Variants in AGBL4 observed in about 807,000 individuals in gnomAD.
The protein encoded by AGBL4 is AGBL carboxypeptidase 4.
In AGBL4, 58 loss-of-function variants were observed where a neutral mutation model predicts 66.4. The ratio of observed to expected loss-of-function variants is 0.87; its 90% confidence interval spans 0.71 to 1.09. The LOEUF (loss-of-function observed/expected upper bound fraction) is 1.09, where lower values mean the gene tolerates loss of function less well. Ranked by LOEUF, AGBL4 falls within the 50% of genes least tolerant of loss-of-function variation. The pLI is 0.00. For synonymous variants in AGBL4, 234 were observed against 222.9 expected, an observed-to-expected ratio of 1.05 and a Z score of -0.44; for missense variants, 579 against 631.0, an observed-to-expected ratio of 0.92 and a Z score of 0.88.
intron 2 of AGBL4, among the ~76,000 whole-genome samples, chr1:49,740,925 C>T (rs1650393259): frequency 6.6e-6 from 1 of 152,160 alleles, no homozygotes; most frequent in Non-Finnish European, 1.5e-5. Flanking sequence ...ATTTATAGCA[C>T]TAAATGCCCA....
chr1:49,595,051 A>T (rs905193484), intron 3 of AGBL4, among the ~76,000 whole-genome samples: 1 of 152,144 alleles, frequency 6.6e-6, no homozygotes, highest in African/African-American at 2.4e-5. Flanking sequence ...CGACTTTTCA[A>T]TAATCACCAT....
chr1:48,998,334 T>C (rs1051750294), intron 5 of AGBL4, among the ~76,000 whole-genome samples: 15 of 152,184 alleles, frequency 9.9e-5, no homozygotes, highest in Non-Finnish European at 1.8e-4. Context: ...ATGAAAGATA[T>C]TGAAACTGGC....
chr1:49,315,426 G>A (rs1645022493), intron 3 of AGBL4, among the ~76,000 whole-genome samples: 1 of 152,128 alleles, frequency 6.6e-6, no homozygotes, highest in African/African-American at 2.4e-5. Context: ...CTTCTGCACA[G>A]CAAAACAAAC....
intron 6 of AGBL4, among the ~76,000 whole-genome samples, chr1:48,763,470 TTGTGTGTGTGTA>T (rs1430470701): frequency 6.6e-6 from 1 of 151,922 alleles, no homozygotes; most frequent in Non-Finnish European, 1.5e-5. Context: ...TGGTGTTTTT[TTGTGTGTGTGTA>T]TGTGTGTGTG....
chr1:49,349,377 T>C (rs570681622), intron 3 of AGBL4, among the ~76,000 whole-genome samples: 83 of 152,196 alleles, frequency 5.5e-4, no homozygotes, highest in Non-Finnish European at 8.4e-4. Flanking sequence ...AACTAAATTA[T>C]GGGACTTTTG....
At chr1:49,414,172 T>C (rs1333019948) in intron 3 of AGBL4, among the ~76,000 whole-genome samples, 1 of 152,178 alleles carries the variant, frequency 6.6e-6, no homozygotes, top group African/African-American at 2.4e-5. Context: ...TATATATTTA[T>C]AAAATTGTAT....
chr1:49,948,123 T>TGTATGTAA (rs1557608512), intron 1 of AGBL4, among the ~76,000 whole-genome samples: 1 of 47,844 alleles, frequency 2.1e-5, no homozygotes, highest in Non-Finnish European at 3.8e-5. Context: ...TGTATGTAAA[T>TGTATGTAA]ATATATAAAT....
chr1:49,799,443 A>G (rs908413343), intron 2 of AGBL4, among the ~76,000 whole-genome samples: 3 of 152,220 alleles, frequency 2.0e-5, no homozygotes, highest in Non-Finnish European at 4.4e-5. Flanking sequence ...ACTATAGTCC[A>G]GGGTTCCATG....
rs1286591655 is a variant in AGBL4, at chr1:48,534,910, T to G, written c.1371A>C (p.Lys457Asn). 1 of 1,551,334 alleles carries G rather than the reference T, an allele frequency of 6.4e-7. No homozygotes were observed. Among genetic ancestry groups the G allele is most frequent in the Non-Finnish European group, 8.7e-7 (1 of 1,146,778 alleles). Residue 457 changes from lysine (K) to asparagine (N), a missense_variant, in exon 13 of 14, where the codon AAA becomes AAC. Transcript: ENST00000371839. Reference protein sequence around the residue: ...VAIPMPRLRNKEIEVQRRKEK... With the variant: ...VAIPMPRLRNNEIEVQRRKEK... Reference sequence around the variant, plus strand: ...CTTACCTTCTCTGGACTTCTATTTCTTTATTTCTAAAATAGGAGAAAAATT... The same window carrying G: ...CTTACCTTCTCTGGACTTCTATTTCGTTATTTCTAAAATAGGAGAAAAATT...
In AGBL4 at chr1:49,697,426, G is replaced by A. The variant is rs545111241; in HGVS notation, c.169C>T (p.Arg57Trp). The change falls in exon 3 of 14, where the codon CGG becomes TGG. Residue 57 changes from arginine (R) to tryptophan (W), a missense_variant. Coordinates refer to ENST00000371839, the MANE Select transcript of AGBL4 (RefSeq NM_032785.4). ...TCAAACTCAGAGACCTGGTCCACCC[G>A]GCCCAGGTTACCTGGTAATAAAAAT... Reference protein sequence around the residue: ...DACFESGNLGRVDQVSEFEYD... With the variant: ...DACFESGNLGWVDQVSEFEYD... 233 of 1,514,222 alleles carry A rather than the reference G, an allele frequency of 1.5e-4. 1 individual carries two copies. The South Asian group carries it at 2.6e-3, about 17-fold the overall frequency. 93.8% of individuals were successfully genotyped at this position (1,514,222 alleles called of 1,614,324 possible).
chr1:49,840,649 C>A (rs1410678983), intron 2 of AGBL4, among the ~76,000 whole-genome samples: 2 of 152,204 alleles, frequency 1.3e-5, no homozygotes. Flanking sequence ...AATCCAACAG[C>A]CCATCAAAAA....
chr1:49,883,297 G>C (rs1258022335), intron 1 of AGBL4, among the ~76,000 whole-genome samples: 1 of 151,912 alleles, frequency 6.6e-6, no homozygotes, highest in South Asian at 2.1e-4. Context: ...ATGCATATTT[G>C]TTTTTCCTTA....
At chr1:49,821,939 A>C (rs898733360) in intron 2 of AGBL4, among the ~76,000 whole-genome samples, 1 of 152,206 alleles carries the variant, frequency 6.6e-6, no homozygotes, top group Non-Finnish European at 1.5e-5. Flanking sequence ...TCAATCCCAA[A>C]TACAGAAAGA....
intron 4 of AGBL4, among the ~76,000 whole-genome samples, chr1:49,086,013 G>A (rs1321561575): frequency 1.3e-5 from 2 of 152,136 alleles, no homozygotes; most frequent in Non-Finnish European, 2.9e-5. Context: ...ACAAGGTTTG[G>A]TGCCAGCCTC....
At chr1:49,234,587 A>G (rs1650572365) in intron 4 of AGBL4, among the ~76,000 whole-genome samples, 1 of 152,240 alleles carries the variant, frequency 6.6e-6, no homozygotes, top group African/African-American at 2.4e-5. Context: ...GACTATGCCA[A>G]TTTGTTTTTT....
At chr1:49,630,160 C>A (rs1224941617) in intron 3 of AGBL4, among the ~76,000 whole-genome samples, 3 of 152,154 alleles carry the variant, frequency 2.0e-5, no homozygotes, top group African/African-American at 4.8e-5. Flanking sequence ...AGCTCTTTCA[C>A]TACCTCTCCT....
At chr1:49,553,470 G>T (rs1050669435) in intron 3 of AGBL4, among the ~76,000 whole-genome samples, 1 of 152,108 alleles carries the variant, frequency 6.6e-6, no homozygotes, top group Admixed American at 6.5e-5. Context: ...AGTTTCTAGG[G>T]TAGTCTATAA....
intron 6 of AGBL4, among the ~76,000 whole-genome samples, chr1:48,823,742 G>A (rs891643433): frequency 3.3e-5 from 5 of 152,156 alleles, no homozygotes; most frequent in Non-Finnish European, 7.3e-5. Context: ...CTGTTTCCCA[G>A]TGGCCAACAC....
intron 3 of AGBL4, among the ~76,000 whole-genome samples, chr1:49,477,980 T>C (rs1175288113): frequency 6.6e-6 from 1 of 151,448 alleles, no homozygotes; most frequent in African/African-American, 2.4e-5. Flanking sequence ...AAAGCATAAG[T>C]GATCTTGAAT....
Sources: gnomAD v4.1 joint callset for allele counts (sites outside exome capture counted in the v4.1 genomes callset) on GRCh38, gnomAD v4.1.1 for gene constraint, MANE v1.5 for transcripts, NCBI Gene and HGNC (gene_info 2026-07-23, HGNC 2026-07-21) for gene names.